The following EML6 variants were observed in gnomAD, a reference collection of about 807,000 sequenced individuals.
EML6 encodes EMAP like 6.
In EML6, 154 loss-of-function variants were observed where a neutral mutation model predicts 240.1. The ratio of observed to expected loss-of-function variants is 0.64; its 90% CI spans 0.56 to 0.73. EML6 has a LOEUF of 0.73. Ranked by LOEUF, EML6 falls within the 30% of genes least tolerant of loss-of-function variation. EML6 has a pLI of 0.00. For synonymous variants in EML6, 1,148 were observed against 899.0 expected (o/e 1.28, Z -4.95); for missense variants, 2,964 against 2,474.6 (o/e 1.20, Z -4.20).
intron 24 of EML6, among the ~76,000 whole-genome samples, chr2:54,906,361 T>A (rs1673329225): frequency 6.6e-6 from 1 of 152,118 alleles, no homozygotes; most frequent in Non-Finnish European, 1.5e-5. Context: ...AAGCACAAGA[T>A]CTCGGCCAGG....
At chr2:54,805,475 CT>C (rs1243217382) in intron 2 of EML6, among the ~76,000 whole-genome samples, 2 of 152,156 alleles carry the variant, frequency 1.3e-5, no homozygotes, top group Non-Finnish European at 2.9e-5. Context: ...TATTATCAGT[CT>C]TTTTAATTTT....
intron 16 of EML6, 107 bp from the exon 17 acceptor site, chr2:54,879,440 A>G: frequency 2.7e-6 from 2 of 731,946 alleles, no homozygotes; most frequent in South Asian, 3.6e-5. Flanking sequence ...CCATCACCTC[A>G]AATATTTATC....
chr2:54,950,888 AT>A, intron 30 of EML6, 109 bp downstream of exon 30: 1 of 1,136,608 alleles, frequency 8.8e-7, no homozygotes, highest in African/African-American at 1.6e-5. Flanking sequence ...TTATAGAGCC[AT>A]TCCCCCCAAT....
intron 2 of EML6, among the ~76,000 whole-genome samples, chr2:54,806,668 G>A: frequency 6.7e-6 from 1 of 149,380 alleles, no homozygotes; most frequent in Non-Finnish European, 1.5e-5. Context: ...TGGGGGTGAG[G>A]GGTAGGTTTC....
At chr2:54,786,536 TGAAG>T (rs1669101320) in intron 2 of EML6, among the ~76,000 whole-genome samples, 1 of 152,080 alleles carries the variant, frequency 6.6e-6, no homozygotes, top group African/African-American at 2.4e-5. Flanking sequence ...TGGGTTGTGG[TGAAG>T]GAAGAATCTC....
intron 7 of EML6, among the ~76,000 whole-genome samples, chr2:54,839,250 G>C (rs911895321): frequency 1.3e-5 from 2 of 152,210 alleles, no homozygotes; most frequent in East Asian, 3.8e-4. Flanking sequence ...TACCACTCTT[G>C]CATGCAGAAG....
intron 4 of EML6, among the ~76,000 whole-genome samples, chr2:54,818,682 G>C (rs1159561845): frequency 6.6e-6 from 1 of 152,188 alleles, no homozygotes; most frequent in African/African-American, 2.4e-5. Flanking sequence ...TTCAGTGACT[G>C]TGCATGTGCT....
At chr2:54,943,075 C>T (rs889295597) in intron 28 of EML6, among the ~76,000 whole-genome samples, 2 of 152,188 alleles carry the variant, frequency 1.3e-5, no homozygotes, top group African/African-American at 4.8e-5. Flanking sequence ...CCATCCTTTC[C>T]TTTGGTTGGT....
At chr2:54,781,169 C>T (rs1465291855) in intron 2 of EML6, among the ~76,000 whole-genome samples, 1 of 152,196 alleles carries the variant, frequency 6.6e-6, no homozygotes, top group African/African-American at 2.4e-5. Flanking sequence ...CCCCTTTTTA[C>T]ATGCGAGGCA....
At chr2:54,787,211 C>G (rs1439778031) in intron 2 of EML6, among the ~76,000 whole-genome samples, 4 of 151,996 alleles carry the variant, frequency 2.6e-5, no homozygotes, top group Non-Finnish European at 4.4e-5. Flanking sequence ...ACCAAATGCT[C>G]TCATTTTCCC....
At chr2:54,790,458 A>C (rs1231622011) in intron 2 of EML6, among the ~76,000 whole-genome samples, 2 of 152,194 alleles carry the variant, frequency 1.3e-5, no homozygotes, top group African/African-American at 4.8e-5. Flanking sequence ...GGAAATATAA[A>C]CATTGACAAT....
intron 28 of EML6, among the ~76,000 whole-genome samples, chr2:54,943,956 G>A (rs1381312623): frequency 4.6e-5 from 7 of 152,114 alleles, no homozygotes; most frequent in South Asian, 2.1e-4. Context: ...GAATATAAAC[G>A]TTCTTCTCTC....
intron 28 of EML6, among the ~76,000 whole-genome samples, chr2:54,938,171 C>T (rs907698593): frequency 6.6e-6 from 1 of 152,156 alleles, no homozygotes; most frequent in Admixed American, 6.5e-5. Flanking sequence ...CATGGCAAAA[C>T]TTTGTCTCTA....
rs1572989850 is a variant in EML6, at chr2:54,844,388, G to GT, written c.1049+141dup. On this transcript the variant is annotated intron_variant, in intron 8 of 41. Transcript: ENST00000356458. ...AACGTTAAGACATTTAGCTCATCAA[G>GT]TGGGTTTTTGGCATTTTGCTCCTGC... 45 of 674,428 alleles carry GT rather than the reference G, an allele frequency of 6.7e-5. No homozygotes were observed. The East Asian group carries it at 1.2e-3, about 18-fold the overall frequency. 41.8% of individuals were successfully genotyped at this position (674,428 alleles called of 1,614,324 possible).
intron 19 of EML6, among the ~76,000 whole-genome samples, chr2:54,894,217 C>T (rs1259186733): frequency 2.0e-5 from 3 of 148,852 alleles, no homozygotes; most frequent in South Asian, 2.1e-4. Flanking sequence ...AAAAAAAAAA[C>T]CTCTAAGAAC....
chr2:54,733,733 T>C (rs1420353927), intron 2 of EML6, among the ~76,000 whole-genome samples: 1 of 152,190 alleles, frequency 6.6e-6, no homozygotes, highest in African/African-American at 2.4e-5. Context: ...TTTTGAGTCT[T>C]AATTCCAAAT....
chr2:54,957,668 G>C, intron 32 of EML6, 122 bp from the exon 33 acceptor site: 1 of 812,622 alleles, frequency 1.2e-6, no homozygotes, highest in Admixed American at 2.1e-5. Context: ...GGGAGAGAGT[G>C]CTGTAAAGAA....
At chr2:54,740,056 G>A (rs1226563973) in intron 2 of EML6, among the ~76,000 whole-genome samples, 1 of 152,116 alleles carries the variant, frequency 6.6e-6, no homozygotes, top group Admixed American at 6.5e-5. Flanking sequence ...ACAGAATGAG[G>A]AGCAGCTTCA....
At chr2:54,904,317 T>G (rs965877712) in intron 24 of EML6, among the ~76,000 whole-genome samples, 5 of 152,142 alleles carry the variant, frequency 3.3e-5, no homozygotes, top group African/African-American at 1.2e-4. Context: ...TCGTAAATCC[T>G]ATCCTCAAGA....
Sources: gnomAD v4.1 joint callset for allele counts (sites outside exome capture counted in the v4.1 genomes callset) on GRCh38, gnomAD v4.1.1 for gene constraint, MANE v1.5 for transcripts, NCBI Gene and HGNC (gene_info 2026-07-23, HGNC 2026-07-21) for gene names.